The following RASA3 variants were observed in gnomAD, a reference collection of about 807,000 sequenced individuals.
The protein encoded by RASA3 is RAS p21 protein activator 3.
In RASA3, 73 loss-of-function variants were observed where a neutral mutation model predicts 110.0. That is an observed-to-expected ratio of 0.66 (90% confidence interval 0.55 to 0.81). RASA3 has a LOEUF of 0.81. RASA3 is among the 30% of genes least tolerant of loss of function. The probability of loss-of-function intolerance (pLI) is 0.00; values close to 1 mark genes in which losing one functional copy is unlikely to be tolerated. For synonymous variants in RASA3, 500 were observed against 451.4 expected, an observed-to-expected ratio of 1.11 and a Z score of -1.37; for missense variants, 976 against 1,113.2, an observed-to-expected ratio of 0.88 and a Z score of 1.75.
chr13:114,018,694 G>C (rs1369268732), intron 10 of RASA3, 69 bp downstream of exon 10: 1 of 1,573,700 alleles, frequency 6.4e-7, no homozygotes, highest in Non-Finnish European at 8.6e-7. Flanking sequence ...GTGGGCCCGG[G>C]TGTAGGGTGG....
Position 114,096,059 on chromosome 13 carries a change from TGGTGTGCCGG to T in RASA3, c.56-22232_56-22223del, listed in dbSNP as rs2079938609. On this transcript the variant is annotated intron_variant, in intron 1 of 23. Coordinates refer to ENST00000334062, the MANE Select transcript of RASA3 (RefSeq NM_007368.4). The surrounding 1 kb of genome is among the most constrained non-coding windows in gnomAD (Gnocchi z 5.1). Reference sequence around the variant, plus strand: ...AGGAAGATGCCACCCTGGGTGGCACTGGTGTGCCGGGAGGGGGTGCTCTCCAGGTGGCCCT... The same window carrying T: ...AGGAAGATGCCACCCTGGGTGGCACTGAGGGGGTGCTCTCCAGGTGGCCCT... Among the ~76,000 whole-genome samples the T allele has an allele frequency of 6.6e-6, 1 of 152,060 alleles. No individual in the cohort carries two copies. The highest frequency in any genetic ancestry group is 2.4e-5 in the African/African-American group (1 of 41,396).
intron 23 of RASA3, among the ~76,000 whole-genome samples, chr13:113,980,803 C>T (rs2052916204): frequency 6.6e-6 from 1 of 152,162 alleles, no homozygotes; most frequent in Admixed American, 6.5e-5. Context: ...ACTGCCCTTC[C>T]CAGACCAGAC....
intron 1 of RASA3, among the ~76,000 whole-genome samples, chr13:114,127,640 G>A (rs1556128): frequency 0.11 from 17,480 of 152,248 alleles, 1,195 homozygotes; most frequent in Middle Eastern, 0.22. Context: ...AGGCTGCAGT[G>A]GTGAGCACCT....
At chr13:114,095,417 T>G (rs1176894468) in intron 1 of RASA3, among the ~76,000 whole-genome samples, 1 of 152,116 alleles carries the variant, frequency 6.6e-6, no homozygotes, top group African/African-American at 2.4e-5. Context: ...CTACAGTCCC[T>G]GGCATCCATT....
chr13:114,018,961 T>A (rs750048796), intron 9 of RASA3, 42 bp from the exon 10 acceptor site: 1 of 1,609,604 alleles, frequency 6.2e-7, no homozygotes, highest in South Asian at 1.1e-5. Flanking sequence ...TGAGGCTGCA[T>A]CTGCCAAGGA....
At chr13:114,004,070 T>C (rs2053461398) in intron 18 of RASA3, among the ~76,000 whole-genome samples, 1 of 152,242 alleles carries the variant, frequency 6.6e-6, no homozygotes, top group African/African-American at 2.4e-5. Context: ...CAAATGTTAT[T>C]GGTTAATATA....
At chr13:113,995,217 T>C (rs1168517193) in intron 21 of RASA3, among the ~76,000 whole-genome samples, 1 of 152,206 alleles carries the variant, frequency 6.6e-6, no homozygotes, top group Non-Finnish European at 1.5e-5. Flanking sequence ...CAGGCCAGGT[T>C]TTCTCTCCTC....
At chr13:114,083,543 G>A (rs1264604305) in intron 1 of RASA3, among the ~76,000 whole-genome samples, 18 of 139,970 alleles carry the variant, frequency 1.3e-4, no homozygotes, top group African/African-American at 4.3e-4. Context: ...CTTCGTCCTC[G>A]CGGGGAAATC....
intron 7 of RASA3, 66 bp from the exon 8 acceptor site, chr13:114,024,421 T>C: frequency 6.9e-7 from 1 of 1,457,468 alleles, no homozygotes; most frequent in South Asian, 1.1e-5. Context: ...TATGCGGACC[T>C]AGGCCCCGGG....
At chr13:114,098,209 T>A (rs545868848) in intron 1 of RASA3, among the ~76,000 whole-genome samples, 2 of 151,908 alleles carry the variant, frequency 1.3e-5, no homozygotes, top group South Asian at 4.2e-4. Flanking sequence ...CAACAGCTCA[T>A]CAGCGACGAG....
At chr13:114,004,100 T>C (rs1231545507) in intron 18 of RASA3, among the ~76,000 whole-genome samples, 1 of 152,256 alleles carries the variant, frequency 6.6e-6, no homozygotes. Flanking sequence ...TAAATGAAGG[T>C]GATTTTAAGA....
rs147572218 is a variant in RASA3 at position 114,038,697 on chromosome 13, A to G, written c.372+2303T>C. Among the ~76,000 whole-genome samples, 10 of 152,290 alleles carry G rather than the reference A, an allele frequency of 6.6e-5. No homozygotes were observed. In the East Asian group the frequency reaches 1.7e-3, roughly 27 times the overall value. On this transcript the variant is annotated intron_variant, in intron 4 of 23. Transcript: ENST00000334062. ...TGAAGCGCAGAGGATGAGGGTTGCCAGGGCAAGACGGTTCCCAGAGGACGA... is the reference window on the plus strand; with the variant it reads ...TGAAGCGCAGAGGATGAGGGTTGCCGGGGCAAGACGGTTCCCAGAGGACGA...
At chr13:114,126,693 G>C (rs1465553239) in intron 1 of RASA3, among the ~76,000 whole-genome samples, 1 of 152,218 alleles carries the variant, frequency 6.6e-6, no homozygotes, top group Admixed American at 6.5e-5. Context: ...CAGACGAACA[G>C]ATAGCTTCAA....
rs751823774 is a variant in RASA3 at position 114,024,342 on chromosome 13, C to G, written c.617G>C (p.Cys206Ser). 6.2e-7 allele frequency: 1 copy of G among 1,613,860 alleles called. No homozygotes were observed. Residue 206 changes from cysteine (C) to serine (S), a missense_variant, in exon 8 of 24, where the codon TGT (cysteine) becomes TCT (serine). Physicochemically the swap from Cys to Ser is moderately radical, Grantham distance 112 (BLOSUM62 -1). Coordinates refer to ENST00000334062, the MANE Select transcript of RASA3 (RefSeq NM_007368.4). ...EVFYFEVTRPCSYSKKSHFDF... is the reference protein window; with the variant it reads ...EVFYFEVTRPSSYSKKSHFDF... ...AAAGTGGGACTTCTTGCTGTAGCTA[C>G]AGGGCCGGGTCACCTGGAGTCAGAC...
intron 4 of RASA3, 60 bp from the exon 5 acceptor site, chr13:114,029,947 G>A (rs1030540878): frequency 1.4e-6 from 2 of 1,471,472 alleles, no homozygotes; most frequent in Non-Finnish European, 1.8e-6. Flanking sequence ...GGCCACTAGG[G>A]CCGCGCGCCC....
chr13:114,061,976 C>CAG (rs2079360359), intron 2 of RASA3, among the ~76,000 whole-genome samples: 1 of 152,098 alleles, frequency 6.6e-6, no homozygotes, highest in East Asian at 1.9e-4. Context: ...ACATGGTGGG[C>CAG]AGGGGGCTCC....
intron 4 of RASA3, among the ~76,000 whole-genome samples, chr13:114,030,793 CTGTA>C (rs1455942033): frequency 1.3e-5 from 2 of 149,768 alleles, no homozygotes; most frequent in African/African-American, 4.9e-5. Context: ...GCATGTCCAC[CTGTA>C]TGTGTGTCCG....
intron 19 of RASA3, 83 bp downstream of exon 19, chr13:114,000,743 A>C: frequency 9.6e-7 from 1 of 1,042,728 alleles, no homozygotes; most frequent in Non-Finnish European, 1.5e-6. Flanking sequence ...TCCTCCCCTC[A>C]GCTCTCCCCC....
At chr13:113,995,850 C>CGGGGGGCCCGGCTGAT (rs1566453479) in intron 21 of RASA3, among the ~76,000 whole-genome samples, 2 of 31,310 alleles carry the variant, frequency 6.4e-5, no homozygotes, top group South Asian at 1.2e-3. Flanking sequence ...GCCCGGCTGA[C>CGGGGGGCCCGGCTGAT]GGGGGGCCCG....
Sources: gnomAD v4.1 joint callset for allele counts (sites outside exome capture counted in the v4.1 genomes callset) on GRCh38, gnomAD v4.1.1 for gene constraint, Gnocchi (gnomAD v3.1) non-coding constraint, MANE v1.5 for transcripts, NCBI Gene and HGNC (gene_info 2026-07-23, HGNC 2026-07-21) for gene names.